The following RBL1 variants were observed in gnomAD, a reference collection of about 807,000 sequenced individuals.
RBL1 encodes retinoblastoma-like protein 1.
Under a neutral mutation model 123.0 loss-of-function variants are expected in RBL1, and 82 were observed. The ratio of observed to expected loss-of-function variants is 0.67; its 90% CI spans 0.56 to 0.80. The LOEUF is 0.80. RBL1 is among the 30% of genes least tolerant of loss of function. RBL1 has a pLI of 0.00. For synonymous variants in RBL1, 405 were observed against 441.3 expected (o/e 0.92, Z 1.03); for missense variants, 1,171 against 1,299.6 (o/e 0.90, Z 1.52).
At chr20:37,080,213 C>T (rs1215407637) in intron 2 of RBL1, among the ~76,000 whole-genome samples, 1 of 152,070 alleles carries the variant, frequency 6.6e-6, no homozygotes. Context: ...GGCTGGAGTG[C>T]AGTGGCAATC....
At chr20:37,020,155 C>G (rs1414997207) in intron 18 of RBL1, among the ~76,000 whole-genome samples, 1 of 147,050 alleles carries the variant, frequency 6.8e-6, no homozygotes, top group Non-Finnish European at 1.5e-5. Flanking sequence ...GTGGAATGCT[C>G]TTGGCTCACC....
intron 3 of RBL1, among the ~76,000 whole-genome samples, chr20:37,067,776 A>G (rs1176312362): frequency 2.0e-5 from 3 of 150,994 alleles, no homozygotes; most frequent in East Asian, 1.9e-4. Flanking sequence ...CAAAAAAAAA[A>G]AAAAAAAAAA....
intron 20 of RBL1, 61 bp from the exon 21 acceptor site, chr20:37,003,927 T>C: frequency 2.1e-6 from 3 of 1,436,574 alleles, no homozygotes; most frequent in South Asian, 2.9e-5. Context: ...TTGAATCCCA[T>C]ATTTTTATTC....
At chr20:37,085,647 ATT>A (rs1202673380) in intron 2 of RBL1, among the ~76,000 whole-genome samples, 33 of 84,602 alleles carry the variant, frequency 3.9e-4, no homozygotes, top group African/African-American at 1.3e-3. Context: ...TTGAAATTTG[ATT>A]TTTTTTTTTT....
chr20:37,040,037 C>T (rs2146260153), intron 14 of RBL1, 116 bp downstream of exon 14: 1 of 1,451,158 alleles, frequency 6.9e-7, no homozygotes, highest in Non-Finnish European at 9.4e-7. Flanking sequence ...CCTTTTCGAA[C>T]CCTGCTGAAT....
chr20:37,091,515 A>G (rs1020590589), intron 1 of RBL1, among the ~76,000 whole-genome samples: 1 of 151,984 alleles, frequency 6.6e-6, no homozygotes, highest in Admixed American at 6.6e-5. Flanking sequence ...CAAAAAAGGA[A>G]AAAATTAGCC....
chr20:37,036,648 T>C (rs1397835822), intron 14 of RBL1, among the ~76,000 whole-genome samples: 2 of 141,224 alleles, frequency 1.4e-5, no homozygotes, highest in Non-Finnish European at 3.0e-5. Flanking sequence ...TTTTTTGAGA[T>C]GGAGTCTCGC....
chr20:37,070,825 G>C (rs1600578593), intron 2 of RBL1, among the ~76,000 whole-genome samples: 1 of 151,996 alleles, frequency 6.6e-6, no homozygotes, highest in African/African-American at 2.4e-5. Flanking sequence ...TGTTAACGTG[G>C]TCTTAGATAG....
chr20:37,058,119 AAAAAAAAAAACAAAACAAAAC>A lies in RBL1; in HGVS notation c.1251-1882_1251-1862del, dbSNP rs1251954340. On this transcript the variant is annotated intron_variant, in intron 9 of 21. Transcript: ENST00000373664. The stretch of plus-strand genomic sequence containing the variant: ...CAACAAGGGCGAAACTCTGTCTAAA[AAAAAAAAAAACAAAACAAAAC>A]AAAAAAAAAAAAGCCTATTCCAGGG... Among the ~76,000 whole-genome samples the A allele has an allele frequency of 1.7e-3, 248 of 146,286 alleles. 4 individuals carry two copies. The highest frequency in any genetic ancestry group is 6.1e-3 in the African/African-American group (241 of 39,480).
At chr20:37,085,727 C>T (rs1333400565) in intron 2 of RBL1, among the ~76,000 whole-genome samples, 6 of 141,134 alleles carry the variant, frequency 4.3e-5, no homozygotes, top group African/African-American at 8.0e-5. Flanking sequence ...AATCTCGGCT[C>T]GCTATAAGCG....
At chr20:37,035,905 G>A (rs922403216) in intron 14 of RBL1, among the ~76,000 whole-genome samples, 5 of 152,216 alleles carry the variant, frequency 3.3e-5, no homozygotes, top group African/African-American at 1.2e-4. Flanking sequence ...TTGGGTCACA[G>A]TTTTGCCTCT....
At chr20:37,049,790 T>C in intron 11 of RBL1, 1 of 493,454 alleles carries the variant, frequency 2.0e-6, no homozygotes, top group Non-Finnish European at 3.6e-6. Flanking sequence ...AGGCCAGACA[T>C]GGTGGCTCAC....
chr20:37,000,973 G>A (rs1300250194), intron 21 of RBL1, among the ~76,000 whole-genome samples: 2 of 145,298 alleles, frequency 1.4e-5, no homozygotes, highest in African/African-American at 2.6e-5. Flanking sequence ...GCCCCTACTG[G>A]GAAGAGAGGA....
chr20:37,044,234 A>C lies in RBL1; in HGVS notation c.1622T>G (p.Ile541Ser). ...CCTTGAGAGCCCCTCTTCTGAGCGG[A>C]TCACCACCTCAATAACCTGCAGAGG... Reference protein sequence around the residue: ...FYFYKVIEVVIRSEEGLSRDM... With the variant: ...FYFYKVIEVVSRSEEGLSRDM... The change falls in exon 13 of 22, where the codon ATC becomes AGC. Residue 541 changes from isoleucine to serine, a missense_variant. Physicochemically the swap from Ile to Ser is moderately radical, Grantham distance 142. Transcript: ENST00000373664. 6.2e-7 allele frequency: 1 copy of C among 1,613,770 alleles called. No homozygotes were observed. The highest frequency in any genetic ancestry group is 8.5e-7 in the Non-Finnish European group (1 of 1,179,916).
intron 13 of RBL1, among the ~76,000 whole-genome samples, chr20:37,042,907 C>CAAAAAAAAAAAA: frequency 1.9e-5 from 1 of 53,320 alleles, no homozygotes; most frequent in Non-Finnish European, 3.7e-5. Context: ...CCCCCCCCTC[C>CAAAAAAAAAAAA]AAAAAAAAAA....
chr20:37,004,664 C>T (rs571565475), intron 20 of RBL1, among the ~76,000 whole-genome samples: 4 of 146,960 alleles, frequency 2.7e-5, no homozygotes, highest in African/African-American at 1.0e-4. Flanking sequence ...GCAGTGAGCC[C>T]AGATTGTGCC....
intron 2 of RBL1, among the ~76,000 whole-genome samples, chr20:37,073,422 G>C (rs1183627282): frequency 6.6e-6 from 1 of 152,248 alleles, no homozygotes; most frequent in African/African-American, 2.4e-5. Flanking sequence ...CTACTGCTGG[G>C]TGTGGTGGCT....
chr20:37,021,457 T>G (rs1454624243), intron 17 of RBL1, among the ~76,000 whole-genome samples: 1 of 151,942 alleles, frequency 6.6e-6, no homozygotes. Context: ...TCTTTTTTTT[T>G]TTTTTGAGAT....
At chr20:37,059,842 T>C (rs1256542025) in intron 9 of RBL1, among the ~76,000 whole-genome samples, 2 of 150,502 alleles carry the variant, frequency 1.3e-5, no homozygotes, top group African/African-American at 4.9e-5. Flanking sequence ...CCAGGAATCA[T>C]GCTTCCTTAA....
Sources: gnomAD v4.1 joint callset for allele counts (sites outside exome capture counted in the v4.1 genomes callset) on GRCh38, gnomAD v4.1.1 for gene constraint, MANE v1.5 for transcripts, NCBI Gene and HGNC (gene_info 2026-07-23, HGNC 2026-07-21) for gene names.